The following DLGAP2 variants were observed in gnomAD, a reference collection of about 807,000 sequenced individuals.
The protein encoded by DLGAP2 is DLG associated protein 2.
A neutral mutation model predicts 100.3 loss-of-function variants in DLGAP2; 26 were observed. The observed-to-expected ratio is 0.26, with a 90% CI of 0.19 to 0.36. The LOEUF is 0.36. Among genes scored for constraint, DLGAP2 ranks in the 10% least tolerant of loss-of-function variants. The pLI is 1.00. For missense variants in DLGAP2, 1,858 were observed against 1,453.2 expected (o/e 1.28, Z -4.53); for synonymous variants, 886 against 630.1 (o/e 1.41, Z -6.08).
chr8:974,129 C>T (rs1460956287), intron 2 of DLGAP2, among the ~76,000 whole-genome samples: 2 of 152,026 alleles, frequency 1.3e-5, no homozygotes, highest in Middle Eastern at 3.2e-3. Flanking sequence ...GAGAATTTTT[C>T]GGAACTAATG....
At chr8:1,668,228 A>T in intron 8 of DLGAP2, 101 bp from the exon 9 acceptor site, 1 of 1,130,474 alleles carries the variant, frequency 8.8e-7, no homozygotes, top group Non-Finnish European at 1.2e-6. Context: ...CCAGGAACAG[A>T]CTTGCTCCGT....
chr8:977,727 G>GA (rs374495198), intron 2 of DLGAP2, among the ~76,000 whole-genome samples: 5 of 144,666 alleles, frequency 3.5e-5, no homozygotes, highest in South Asian at 2.2e-4. Flanking sequence ...TGTGGGGAGG[G>GA]CGTCGGGGAT....
At chr8:1,472,374 G>C (rs989173962) in intron 3 of DLGAP2, among the ~76,000 whole-genome samples, 1 of 152,212 alleles carries the variant, frequency 6.6e-6, no homozygotes, top group Non-Finnish European at 1.5e-5. Flanking sequence ...AAGCGGGTGT[G>C]GCCCTTGCAG....
At chr8:787,133 C>A (rs1406724422) in intron 1 of DLGAP2, among the ~76,000 whole-genome samples, 4 of 152,190 alleles carry the variant, frequency 2.6e-5, no homozygotes, top group Admixed American at 2.6e-4. Flanking sequence ...ACTTAGCAAA[C>A]CTCCCTACCC....
intron 3 of DLGAP2, among the ~76,000 whole-genome samples, chr8:1,268,624 G>A (rs1799515357): frequency 1.3e-5 from 2 of 152,192 alleles, no homozygotes; most frequent in African/African-American, 4.8e-5. Flanking sequence ...GTATCCTTAA[G>A]AGAATTCTTA....
chr8:1,598,498 CT>C lies in DLGAP2; in HGVS notation c.1443-28234del, dbSNP rs1223645610. ...GGCTGTGAATCCATCTGATCCTGGG[CT>C]TTTTTTTGTTGGTAGGCTATTAATT... On this transcript the variant is annotated intron_variant, in intron 6 of 14. Coordinates refer to ENST00000637795, the MANE Select transcript of DLGAP2 (RefSeq NM_001346810.2). 2.6e-5 allele frequency among the ~76,000 whole-genome samples: 4 copies of C among 151,954 alleles called. No homozygotes were observed. In the East Asian group the frequency reaches 5.8e-4, roughly 22 times the overall value.
chr8:1,135,626 T>C (rs1796393723), intron 2 of DLGAP2, among the ~76,000 whole-genome samples: 1 of 148,766 alleles, frequency 6.7e-6, no homozygotes, highest in Non-Finnish European at 1.5e-5. Flanking sequence ...CTCAAGGTGA[T>C]CCCTTCCTCA....
chr8:1,361,010 C>G (rs1243178863), intron 3 of DLGAP2, among the ~76,000 whole-genome samples: 1 of 152,162 alleles, frequency 6.6e-6, no homozygotes, highest in Non-Finnish European at 1.5e-5. Flanking sequence ...AAAATTTCAT[C>G]CTGAGAAGGG....
At chr8:1,000,177 C>T (rs554058854) in intron 2 of DLGAP2, among the ~76,000 whole-genome samples, 12 of 149,250 alleles carry the variant, frequency 8.0e-5, no homozygotes, top group East Asian at 2.0e-4. Flanking sequence ...CAGACAGATC[C>T]GGGTGGAGGT....
At chr8:832,520 G>GT (rs1430911035) in intron 1 of DLGAP2, among the ~76,000 whole-genome samples, 2 of 152,158 alleles carry the variant, frequency 1.3e-5, no homozygotes, top group African/African-American at 4.8e-5. Context: ...CTCTGCGTCT[G>GT]ATTGGTGAAT....
chr8:865,927 C>G (rs922751244), intron 1 of DLGAP2, among the ~76,000 whole-genome samples: 1 of 152,224 alleles, frequency 6.6e-6, no homozygotes, highest in African/African-American at 2.4e-5. Flanking sequence ...ACATCTTTTT[C>G]TGGCCCTCCC....
chr8:1,628,915 T>C (rs905534434), intron 7 of DLGAP2, among the ~76,000 whole-genome samples: 1 of 152,234 alleles, frequency 6.6e-6, no homozygotes, highest in Admixed American at 6.5e-5. Flanking sequence ...GGCGTGACAA[T>C]GGAAGTACAC....
At chr8:1,204,303 G>A (rs988408836) in intron 2 of DLGAP2, among the ~76,000 whole-genome samples, 3 of 152,218 alleles carry the variant, frequency 2.0e-5, no homozygotes, top group Non-Finnish European at 4.4e-5. Flanking sequence ...TTCTGAGATC[G>A]GAAGTTCTCA....
At chr8:1,116,294 T>A (rs1182691035) in intron 2 of DLGAP2, among the ~76,000 whole-genome samples, 1 of 152,128 alleles carries the variant, frequency 6.6e-6, no homozygotes, top group East Asian at 1.9e-4. Context: ...CCGACCACCC[T>A]CCAAAGCACC....
rs535946501 is a variant in DLGAP2 at position 1,250,619 on chromosome 8, G to A, written c.74-8232G>A. ...CAATAGCTTCAGGCAAAGAGAAGAC[G>A]CGTTCCCTCCCTGTCTGTGCATCTG... On this transcript the variant is annotated intron_variant, in intron 2 of 14. Transcript: ENST00000637795. 4 of 152,208 alleles carry A rather than the reference G, an allele frequency of 2.6e-5. No homozygotes were observed. In the East Asian group the frequency reaches 5.8e-4, roughly 22 times the overall value. 9.4% of individuals were successfully genotyped at this position (152,208 alleles called of 1,614,324 possible).
At chr8:958,780 G>T (rs1799655460) in intron 2 of DLGAP2, among the ~76,000 whole-genome samples, 1 of 152,070 alleles carries the variant, frequency 6.6e-6, no homozygotes, top group African/African-American at 2.4e-5. Flanking sequence ...CCAAGGTATT[G>T]AAATGGAAAG....
chr8:921,364 C>G (rs1213899012), intron 2 of DLGAP2, among the ~76,000 whole-genome samples: 1 of 152,160 alleles, frequency 6.6e-6, no homozygotes, highest in African/African-American at 2.4e-5. Context: ...TGTCCACAGA[C>G]CCGACCTCCC....
chr8:1,564,287 G>A (rs530902382), intron 5 of DLGAP2, among the ~76,000 whole-genome samples: 1 of 152,298 alleles, frequency 6.6e-6, no homozygotes, highest in African/African-American at 2.4e-5. Context: ...TTGTGTTCCA[G>A]TTCCATGACT....
At chr8:1,094,487 C>T (rs61495115) in intron 2 of DLGAP2, among the ~76,000 whole-genome samples, 144 of 152,240 alleles carry the variant, frequency 9.5e-4, no homozygotes, top group Middle Eastern at 3.4e-3. Context: ...AACAAAAAAC[C>T]GGCTTCAAGT....
Sources: gnomAD v4.1 joint callset for allele counts (sites outside exome capture counted in the v4.1 genomes callset) on GRCh38, gnomAD v4.1.1 for gene constraint, MANE v1.5 for transcripts, NCBI Gene and HGNC (gene_info 2026-07-23, HGNC 2026-07-21) for gene names.